ADGRV1: variants seen among roughly 807,000 people sequenced by gnomAD.
ADGRV1 encodes the protein G-protein coupled receptor 98.
In ADGRV1, 359 loss-of-function variants were observed where a neutral mutation model predicts 596.2. The observed-to-expected ratio is 0.60, with a 90% CI of 0.55 to 0.66. The LOEUF (loss-of-function observed/expected upper bound fraction) is 0.66. ADGRV1 is among the 30% of genes least tolerant of loss of function. The pLI, the probability that ADGRV1 is intolerant of heterozygous loss-of-function variation, is 0.00. For synonymous variants in ADGRV1, 2,681 were observed against 2,679.2 expected, an observed-to-expected ratio of 1.00 and a Z score of -0.02; for missense variants, 7,274 against 7,575.6, an observed-to-expected ratio of 0.96 and a Z score of 1.48.
intron 75 of ADGRV1, among the ~76,000 whole-genome samples, chr5:90,820,732 T>C (rs1484276839): frequency 6.6e-6 from 1 of 151,520 alleles, no homozygotes; most frequent in African/African-American, 2.4e-5. Context: ...TTAAGAATGT[T>C]GAATATTGGC....
At chr5:90,679,884 G>A (rs932445138) in intron 26 of ADGRV1, among the ~76,000 whole-genome samples, 2 of 152,058 alleles carry the variant, frequency 1.3e-5, no homozygotes, top group African/African-American at 4.8e-5. Flanking sequence ...TGAACCTAAT[G>A]TAGTTTCCTG....
intron 83 of ADGRV1, among the ~76,000 whole-genome samples, chr5:90,907,565 T>C (rs1402674673): frequency 2.0e-5 from 3 of 152,024 alleles, no homozygotes; most frequent in Admixed American, 6.6e-5. Context: ...ATCTTTTTCC[T>C]TGTGGATTCC....
At chr5:90,865,577 T>C (rs1701664364) in intron 83 of ADGRV1, among the ~76,000 whole-genome samples, 1 of 152,120 alleles carries the variant, frequency 6.6e-6, no homozygotes, top group Admixed American at 6.6e-5. Context: ...CATGAAACAA[T>C]GTGGCATGAA....
chr5:91,099,054 AAATG>A (rs751700995), intron 86 of ADGRV1, among the ~76,000 whole-genome samples: 8 of 152,202 alleles, frequency 5.3e-5, no homozygotes, highest in Non-Finnish European at 1.0e-4. Flanking sequence ...CATTAAATAA[AAATG>A]AATTTTTCTA....
chr5:91,024,596 CT>C (rs1783878250), intron 85 of ADGRV1, among the ~76,000 whole-genome samples: 2 of 151,992 alleles, frequency 1.3e-5, no homozygotes, highest in African/African-American at 4.8e-5. Context: ...AAAAATGCCC[CT>C]GATCGTAGGC....
At chr5:90,961,507 A>AAGT (rs1554178779) in intron 83 of ADGRV1, among the ~76,000 whole-genome samples, 3 of 82,048 alleles carry the variant, frequency 3.7e-5, no homozygotes, top group South Asian at 4.5e-4. Flanking sequence ...AAAAAAAAAA[A>AAGT]GGGGGGGTGG....
intron 85 of ADGRV1, among the ~76,000 whole-genome samples, chr5:91,063,446 G>A (rs1244079497): frequency 6.6e-6 from 1 of 152,120 alleles, no homozygotes; most frequent in East Asian, 1.9e-4. Flanking sequence ...TCTATTTTTA[G>A]TAGTGGTATT....
intron 54 of ADGRV1, 85 bp from the exon 55 acceptor site, chr5:90,754,898 A>G: frequency 2.3e-6 from 2 of 875,950 alleles, no homozygotes; most frequent in Non-Finnish European, 3.8e-6. Context: ...CAAGGGATAG[A>G]GTAGAGTGTT....
intron 85 of ADGRV1, among the ~76,000 whole-genome samples, chr5:91,037,985 C>T (rs934544781): frequency 6.6e-6 from 1 of 152,164 alleles, no homozygotes; most frequent in Non-Finnish European, 1.5e-5. Flanking sequence ...ATAAGGTATA[C>T]ATGAAACATA....
At chr5:90,743,800 TTATC>T (rs1287389969) in intron 50 of ADGRV1, among the ~76,000 whole-genome samples, 2 of 151,974 alleles carry the variant, frequency 1.3e-5, no homozygotes, top group East Asian at 1.9e-4. Context: ...TCCAATGTGT[TTATC>T]TAGGTACTGG....
chr5:90,985,553 G>A, intron 85 of ADGRV1, 31 bp downstream of exon 85: 1 of 1,572,130 alleles, frequency 6.4e-7, no homozygotes, highest in Middle Eastern at 1.7e-4. Flanking sequence ...CATTGCCCTA[G>A]CTTTCATGTA....
chr5:91,042,034 A>G (rs1339707915), intron 85 of ADGRV1, among the ~76,000 whole-genome samples: 1 of 152,206 alleles, frequency 6.6e-6, no homozygotes, highest in Non-Finnish European at 1.5e-5. Context: ...ACTGTTTTAC[A>G]GATGTTTTAA....
At chr5:90,801,984 A>T (rs76348492) in intron 70 of ADGRV1, among the ~76,000 whole-genome samples, 5,863 of 152,292 alleles carry the variant, frequency 0.038, 399 homozygotes, top group African/African-American at 0.13. Context: ...TTGAGTAAAT[A>T]TGATGAATTA....
intron 49 of ADGRV1, among the ~76,000 whole-genome samples, chr5:90,729,155 G>A (rs1752196657): frequency 6.6e-6 from 1 of 152,134 alleles, no homozygotes; most frequent in Non-Finnish European, 1.5e-5. Context: ...AAAGTTATAT[G>A]AAAACAAAAT....
At chr5:90,595,800 ACCT>A (rs1760397574) in intron 1 of ADGRV1, among the ~76,000 whole-genome samples, 1 of 110,938 alleles carries the variant, frequency 9.0e-6, no homozygotes, top group East Asian at 3.0e-4. Context: ...TGACCCCCCC[ACCT>A]CCCTCCCGGA....
intron 84 of ADGRV1, among the ~76,000 whole-genome samples, chr5:90,984,631 G>A (rs773776818): frequency 1.1e-4 from 16 of 152,122 alleles, no homozygotes; most frequent in Non-Finnish European, 1.9e-4. Context: ...TGGAAACTAA[G>A]GTTCAAGAAA....
intron 84 of ADGRV1, among the ~76,000 whole-genome samples, chr5:90,975,301 C>G (rs536220488): frequency 6.6e-6 from 1 of 152,044 alleles, no homozygotes; most frequent in African/African-American, 2.4e-5. Flanking sequence ...GGCGATTCCT[C>G]AAGGATCTAG....
intron 85 of ADGRV1, among the ~76,000 whole-genome samples, chr5:90,994,733 T>G (rs1005127179): frequency 6.6e-6 from 1 of 152,252 alleles, no homozygotes; most frequent in Admixed American, 6.5e-5. Context: ...TGCTATTTAT[T>G]GACTTTTCTG....
chr5:90,902,361 C>T (rs1771924949), intron 83 of ADGRV1, among the ~76,000 whole-genome samples: 1 of 152,124 alleles, frequency 6.6e-6, no homozygotes, highest in Non-Finnish European at 1.5e-5. Flanking sequence ...ATCAAACTCT[C>T]CTGATTAAGG....
Sources: gnomAD v4.1 joint callset for allele counts (sites outside exome capture counted in the v4.1 genomes callset) on GRCh38, gnomAD v4.1.1 for gene constraint, MANE v1.5 for transcripts, NCBI Gene and HGNC (gene_info 2026-07-23, HGNC 2026-07-21) for gene names.